Variants in EXOC5 observed in about 807,000 individuals in gnomAD.
EXOC5 encodes the protein SEC10-like 1.
In EXOC5, 17 loss-of-function variants were observed where a neutral mutation model predicts 90.8. That is an observed-to-expected ratio of 0.19 (90% confidence interval 0.13 to 0.28). EXOC5 has a LOEUF of 0.28. Among genes scored for constraint, EXOC5 ranks in the 10% least tolerant of loss-of-function variants. EXOC5 has a pLI of 1.00. For synonymous variants in EXOC5, 260 were observed against 270.0 expected, an observed-to-expected ratio of 0.96 and a Z score of 0.36; for missense variants, 569 against 830.6, an observed-to-expected ratio of 0.69 and a Z score of 3.87.
chr14:57,205,196 T>C lies in EXOC5; in HGVS notation c.*3413A>G, dbSNP rs1882613942. On this transcript the variant is annotated 3_prime_UTR_variant, in exon 18 of 18. Coordinates refer to ENST00000621441, the MANE Select transcript of EXOC5 (RefSeq NM_006544.4). The stretch of plus-strand genomic sequence containing the variant: ...CATGTAACTATAATTATCTTTATTA[T>C]GCAGCAAAATTTTTTAAATTGCTAA... 1 of 152,110 alleles carries C rather than the reference T, an allele frequency of 6.6e-6. No individual in the cohort carries two copies. Among genetic ancestry groups the C allele is most frequent in the Non-Finnish European group, 1.5e-5 (1 of 67,958 alleles). 9.4% of individuals were successfully genotyped at this position (152,110 alleles called of 1,614,324 possible).
At chr14:57,219,552 G>A (rs973633139) in intron 13 of EXOC5, 110 bp from the exon 14 acceptor site, 24 of 810,556 alleles carry the variant, frequency 3.0e-5, no homozygotes, top group Middle Eastern at 2.3e-4. Flanking sequence ...AAATGACACC[G>A]CTATTTTAAT....
intron 4 of EXOC5, 67 bp from the exon 5 acceptor site, chr14:57,239,726 T>A (rs1883798442): frequency 2.1e-6 from 2 of 955,674 alleles, no homozygotes; most frequent in East Asian, 5.4e-5. Context: ...TAATTATATA[T>A]CTGAAATTAG....
chr14:57,249,594 T>C (rs1456820089), intron 1 of EXOC5, among the ~76,000 whole-genome samples: 1 of 152,082 alleles, frequency 6.6e-6, no homozygotes, highest in African/African-American at 2.4e-5. Context: ...TAGAGACTAT[T>C]CTAAATATCC....
chr14:57,246,897 T>TTA (rs1317353386), intron 2 of EXOC5, 39 bp from the exon 3 acceptor site: 1 of 1,236,736 alleles, frequency 8.1e-7, no homozygotes, highest in Non-Finnish European at 1.1e-6. Flanking sequence ...AATCTACCTA[T>TTA]TATTAATCCT....
intron 7 of EXOC5, among the ~76,000 whole-genome samples, chr14:57,234,800 AC>A (rs1335012259): frequency 1.3e-5 from 2 of 151,724 alleles, no homozygotes; most frequent in African/African-American, 4.8e-5. Flanking sequence ...CCTGAGCTAA[AC>A]TGATCCACCC....
At chr14:57,214,408 T>A (rs1241057613) in intron 15 of EXOC5, among the ~76,000 whole-genome samples, 4 of 152,184 alleles carry the variant, frequency 2.6e-5, no homozygotes, top group Non-Finnish European at 5.9e-5. Flanking sequence ...ATTTCAAGTT[T>A]CAAATTTTGA....
intron 1 of EXOC5, among the ~76,000 whole-genome samples, chr14:57,251,153 T>C (rs1319911164): frequency 6.6e-6 from 1 of 152,206 alleles, no homozygotes; most frequent in Non-Finnish European, 1.5e-5. Flanking sequence ...TGTGGTAATT[T>C]TGGTCAATTT....
chr14:57,254,886 TCAGCC>T (rs1200290135), intron 1 of EXOC5, among the ~76,000 whole-genome samples: 4 of 152,202 alleles, frequency 2.6e-5, no homozygotes, highest in Non-Finnish European at 4.4e-5. Flanking sequence ...CTTGGACTTC[TCAGCC>T]CCCAGAACAC....
At chr14:57,224,547 T>C (rs1883246213) in intron 12 of EXOC5, among the ~76,000 whole-genome samples, 1 of 152,200 alleles carries the variant, frequency 6.6e-6, no homozygotes, top group Non-Finnish European at 1.5e-5. Context: ...ACCTGAATTG[T>C]TCTGTATCTA....
Position 57,205,137 on chromosome 14 carries a change from C to A in EXOC5, c.*3472G>T, listed in dbSNP as rs1236911425. The stretch of plus-strand genomic sequence containing the variant: ...AGAATCCAATAATATGTGCAAAGGA[C>A]TTATTAGCACAGTGTGTGAGACTTA... On this transcript the variant is annotated 3_prime_UTR_variant, in exon 18 of 18. Transcript: ENST00000621441. 2 of 151,914 alleles carry A rather than the reference C, an allele frequency of 1.3e-5. No individual in the cohort carries two copies. The highest frequency in any genetic ancestry group is 2.9e-5 in the Non-Finnish European group (2 of 67,876). The allele number at this position is 151,914 out of a possible 1,614,324, so 9.4% of individuals were successfully genotyped here.
chr14:57,239,333 A>AT (rs1178911287), intron 5 of EXOC5, among the ~76,000 whole-genome samples: 3 of 151,992 alleles, frequency 2.0e-5, no homozygotes, highest in Admixed American at 1.3e-4. Flanking sequence ...CCTTCATCAA[A>AT]TTTTTTTTCA....
Position 57,263,765 on chromosome 14 carries a change from A to G in EXOC5, c.27+4857T>C, listed in dbSNP as rs1253614583. 2.1e-5 allele frequency among the ~76,000 whole-genome samples: 3 copies of G among 144,472 alleles called. No homozygotes were observed. The East Asian group carries it at 5.9e-4, about 28-fold the overall frequency. 94.8% of individuals were successfully genotyped at this position (144,472 alleles called of 152,430 possible). A position where few individuals can be genotyped will look rare whatever the true frequency, so the allele number is the denominator to read the frequency against. On this transcript the variant is annotated intron_variant, in intron 1 of 17. Coordinates refer to ENST00000621441, the MANE Select transcript of EXOC5 (RefSeq NM_006544.4). ...AAAAAAAAAAAAAAAAAAAAAAAGC[A>G]AAAAAACAAAAAAACTGCCCTCGAA...
rs143328829 is a variant in EXOC5 at position 57,263,948 on chromosome 14, C to G, written c.27+4674G>C. On this transcript the variant is annotated intron_variant, in intron 1 of 17. Coordinates refer to ENST00000621441, the MANE Select transcript of EXOC5 (RefSeq NM_006544.4). The stretch of plus-strand genomic sequence containing the variant: ...TCCTGTCTGAAAAATCTCTACTCAT[C>G]CATCAACATCCAATTTCTATATGCC... 2.3e-3 allele frequency among the ~76,000 whole-genome samples: 345 copies of G among 152,178 alleles called. 1 individual carries two copies. Among genetic ancestry groups the G allele is most frequent in the Admixed American group, 4.1e-3 (63 of 15,282 alleles).
rs565177994 is a variant in EXOC5, at chr14:57,213,389, A to AT, written c.1614-3329dup. Among the ~76,000 whole-genome samples, 126 of 151,094 alleles carry AT rather than the reference A, an allele frequency of 8.3e-4. 1 individual carries two copies. Among genetic ancestry groups the AT allele is most frequent in the African/African-American group, 2.5e-3 (105 of 41,250 alleles). On this transcript the variant is annotated intron_variant, in intron 15 of 17. Transcript: ENST00000621441. ...AGAGCAAGATCATATCTCTAAACAA[A>AT]TTTTTTTTTATTTTTATATATTTAT...
At chr14:57,229,498 TAC>T (rs879155079) in intron 12 of EXOC5, among the ~76,000 whole-genome samples, 10 of 152,152 alleles carry the variant, frequency 6.6e-5, no homozygotes, top group Admixed American at 2.0e-4. Flanking sequence ...TACAACTATT[TAC>T]AGAGATTTAC....
At position 57,231,708 on chromosome 14, in the gene EXOC5, T is replaced by G. The variant is rs776973102; in HGVS notation, c.946A>C (p.Asn316His). Residue 316 changes from asparagine (N) to histidine (H), a missense_variant, in exon 11 of 18, where the codon AAT becomes CAT. Asn to His is a moderately conservative substitution (Grantham distance 68). Transcript: ENST00000621441. ...NLYDLYTRTT[N>H]LSSKLMEFNL... ...AACTCCATCAGCTTGCTGGAAAGAT[T>G]GGTGGTTCTTTTCATGAAAAAGGGG... 2.8e-5 allele frequency: 45 copies of G among 1,597,490 alleles called. No homozygotes were observed. Among genetic ancestry groups the G allele is most frequent in the Non-Finnish European group, 3.8e-5 (45 of 1,172,676 alleles).
intron 5 of EXOC5, among the ~76,000 whole-genome samples, chr14:57,239,066 C>T (rs1036080498): frequency 1.3e-5 from 2 of 151,880 alleles, no homozygotes; most frequent in Non-Finnish European, 2.9e-5. Flanking sequence ...GGGTTCTTAA[C>T]CTGAAGTCCC....
At chr14:57,238,363 TATATATATATATAC>T (rs1218387736) in intron 5 of EXOC5, among the ~76,000 whole-genome samples, 25 of 94,090 alleles carry the variant, frequency 2.7e-4, no homozygotes, top group African/African-American at 6.7e-4. Flanking sequence ...TATATATATA[TATATATATATATAC>T]ACACACACAC....
intron 1 of EXOC5, among the ~76,000 whole-genome samples, chr14:57,255,989 T>C (rs1376120534): frequency 1.3e-5 from 2 of 152,156 alleles, no homozygotes; most frequent in Admixed American, 6.6e-5. Context: ...TTATCATGAC[T>C]CCCAGTTTGT....
Sources: gnomAD v4.1 joint callset for allele counts (sites outside exome capture counted in the v4.1 genomes callset) on GRCh38, gnomAD v4.1.1 for gene constraint, MANE v1.5 for transcripts, NCBI Gene and HGNC (gene_info 2026-07-23, HGNC 2026-07-21) for gene names.